Variants in SHANK2 observed in about 807,000 individuals in gnomAD.
The protein encoded by SHANK2 is SH3 and multiple ankyrin repeat domains 2.
SHANK2 carries 43 observed loss-of-function variants against 133.7 expected under a neutral mutation model. That is an observed-to-expected ratio of 0.32 (90% CI 0.25 to 0.41). SHANK2 has a LOEUF of 0.41. SHANK2 is among the 10% of genes least tolerant of loss of function. The probability of loss-of-function intolerance (pLI) is 1.00; values close to 1 mark genes in which losing one functional copy is unlikely to be tolerated. For missense variants in SHANK2, 1,994 were observed against 2,235.8 expected (o/e 0.89, Z 2.18); for synonymous variants, 1,017 against 952.8 (o/e 1.07, Z -1.24).
At chr11:71,220,295 T>A (rs1555120839) in intron 2 of SHANK2, among the ~76,000 whole-genome samples, 1 of 152,100 alleles carries the variant, frequency 6.6e-6, no homozygotes, top group East Asian at 1.9e-4. Flanking sequence ...GGCAAGGATG[T>A]GGGAAATTGG....
At position 70,486,651 on chromosome 11, in the gene SHANK2, G is replaced by A. The variant is rs1555153760; in HGVS notation, c.3642C>T (p.Ser1214=). Residue 1214 remains serine, a synonymous_variant, in exon 25 of 26, where the codon TCC becomes TCT. Coordinates refer to ENST00000601538, the MANE Select transcript of SHANK2 (RefSeq NM_012309.5). This position sits in a 1 kb window ranked among gnomAD's most constrained non-coding sequence, Gnocchi z 8.0. ...PLTGRLLDPS[S]PLALALSARD... ...TTGCGGAGAGTGCCAGGGCCAGCGGGGAGCTGGGATCAAGCAGCCGCCCTG... is the reference window on the plus strand; with the variant it reads ...TTGCGGAGAGTGCCAGGGCCAGCGGAGAGCTGGGATCAAGCAGCCGCCCTG... 2 of 1,612,510 alleles carry A rather than the reference G, an allele frequency of 1.2e-6. No individual in the cohort carries two copies. The highest frequency in any genetic ancestry group is 1.1e-5 in the South Asian group (1 of 91,088).
At chr11:71,187,311 T>C (rs1193881955) in intron 2 of SHANK2, among the ~76,000 whole-genome samples, 1 of 152,186 alleles carries the variant, frequency 6.6e-6, no homozygotes, top group Non-Finnish European at 1.5e-5. Flanking sequence ...TCATGTTTTA[T>C]TCAGGGACAG....
chr11:71,057,017 C>T lies in SHANK2; in HGVS notation c.1030-459G>A, dbSNP rs1001324629. On this transcript the variant is annotated intron_variant, in intron 9 of 25. Coordinates refer to ENST00000601538, the MANE Select transcript of SHANK2 (RefSeq NM_012309.5). Reference sequence around the variant, plus strand: ...CTGAGAAAAACATATCCAGGAACTTCTAAATAAAAAAGGCAAGTCCCAAAA... The same window carrying T: ...CTGAGAAAAACATATCCAGGAACTTTTAAATAAAAAAGGCAAGTCCCAAAA... Among the ~76,000 whole-genome samples, 15 of 152,100 alleles carry T rather than the reference C, an allele frequency of 9.9e-5. No homozygotes were observed. In the South Asian group the frequency reaches 3.1e-3, roughly 32 times the overall value.
At chr11:71,110,836 G>A (rs544046609) in intron 5 of SHANK2, among the ~76,000 whole-genome samples, 7 of 152,322 alleles carry the variant, frequency 4.6e-5, no homozygotes, top group South Asian at 4.1e-4. Flanking sequence ...GTGTGTCCCC[G>A]CAAAATTCAT....
At chr11:70,482,962 T>C (rs1368094762) in intron 25 of SHANK2, among the ~76,000 whole-genome samples, 7 of 152,268 alleles carry the variant, frequency 4.6e-5, no homozygotes, top group African/African-American at 1.7e-4. Flanking sequence ...GGATGAGCTG[T>C]CCAGCTGCCA....
At chr11:71,210,733 G>A (rs975209247) in intron 2 of SHANK2, among the ~76,000 whole-genome samples, 7 of 152,052 alleles carry the variant, frequency 4.6e-5, no homozygotes, top group South Asian at 2.1e-4. Context: ...AGACCCAGGC[G>A]TCTGCTGAAG....
At chr11:71,127,192 C>G (rs1952208478) in intron 3 of SHANK2, among the ~76,000 whole-genome samples, 1 of 152,136 alleles carries the variant, frequency 6.6e-6, no homozygotes, top group South Asian at 2.1e-4. Flanking sequence ...TTGCTGCAAT[C>G]TCATGATAAA....
chr11:70,612,196 A>G (rs1475835571), intron 17 of SHANK2, among the ~76,000 whole-genome samples: 2 of 152,002 alleles, frequency 1.3e-5, no homozygotes, highest in Non-Finnish European at 2.9e-5. Flanking sequence ...AGAGGACTTT[A>G]ATAAGGGTTT....
intron 15 of SHANK2, among the ~76,000 whole-genome samples, chr11:70,691,584 C>T (rs1945290486): frequency 6.6e-6 from 1 of 152,162 alleles, no homozygotes; most frequent in South Asian, 2.1e-4. Flanking sequence ...GAACTATATA[C>T]TTGCAAAAAT....
intron 17 of SHANK2, among the ~76,000 whole-genome samples, chr11:70,645,354 G>T (rs57596457): frequency 6.6e-5 from 10 of 152,244 alleles, no homozygotes; most frequent in African/African-American, 2.4e-4. Context: ...GCTATAGGCT[G>T]GGGATAGGGC....
chr11:71,099,406 G>A (rs984638155), intron 6 of SHANK2, among the ~76,000 whole-genome samples: 2 of 152,318 alleles, frequency 1.3e-5, no homozygotes, highest in Non-Finnish European at 1.5e-5. Flanking sequence ...GGGAAGCTGG[G>A]TATAGGATAT....
chr11:70,694,380 GACATA>G (rs1945349794), intron 15 of SHANK2, among the ~76,000 whole-genome samples: 1 of 152,220 alleles, frequency 6.6e-6, no homozygotes, highest in Non-Finnish European at 1.5e-5. Context: ...AGCAGTTTTT[GACATA>G]AGAGGAGGTT....
intron 11 of SHANK2, among the ~76,000 whole-genome samples, chr11:70,841,403 C>T (rs1590746751): frequency 1.3e-5 from 2 of 152,246 alleles, no homozygotes; most frequent in South Asian, 4.1e-4. Context: ...CAGGGCACAG[C>T]CATTTTCCCC....
At chr11:71,071,837 G>A (rs1951147233) in intron 9 of SHANK2, among the ~76,000 whole-genome samples, 3 of 152,138 alleles carry the variant, frequency 2.0e-5, no homozygotes, top group Middle Eastern at 3.2e-3. Flanking sequence ...AACAGGATGG[G>A]AGCACTGCTT....
chr11:70,921,982 G>C (rs1555080758), intron 10 of SHANK2, among the ~76,000 whole-genome samples: 1 of 152,202 alleles, frequency 6.6e-6, no homozygotes, highest in African/African-American at 2.4e-5. Context: ...CCAGATATTG[G>C]AGTGAGCAGC....
chr11:70,747,149 G>A (rs373796438), intron 14 of SHANK2, among the ~76,000 whole-genome samples: 9 of 151,926 alleles, frequency 5.9e-5, no homozygotes, highest in East Asian at 1.9e-4. Flanking sequence ...GTAAGACTCC[G>A]CTTGGGTTCA....
chr11:70,855,014 A>T (rs1262941406), intron 11 of SHANK2, among the ~76,000 whole-genome samples: 2 of 152,228 alleles, frequency 1.3e-5, no homozygotes, highest in African/African-American at 4.8e-5. Context: ...TCAATCTAGG[A>T]GGTCTGGGCC....
At position 70,502,554 on chromosome 11, in the gene SHANK2, G is replaced by A. The variant is rs541091335; in HGVS notation, c.2197+242C>T. 3.3e-5 allele frequency among the ~76,000 whole-genome samples: 5 copies of A among 152,322 alleles called. No individual in the cohort carries two copies. The South Asian group carries it at 1.0e-3, about 32-fold the overall frequency. Reference sequence around the variant, plus strand: ...CACTGAGTGGGAAGCCTGCGGAAGGGACGCCTGCTAGTGACTAAAAGGGCA... The same window carrying A: ...CACTGAGTGGGAAGCCTGCGGAAGGAACGCCTGCTAGTGACTAAAAGGGCA... On this transcript the variant is annotated intron_variant, in intron 18 of 25. Transcript: ENST00000601538.
intron 5 of SHANK2, among the ~76,000 whole-genome samples, chr11:71,111,006 A>C (rs1555099104): frequency 6.6e-6 from 1 of 152,238 alleles, no homozygotes; most frequent in Non-Finnish European, 1.5e-5. Context: ...ACAGCAAGAC[A>C]ATGGCCATCC....
Sources: gnomAD v4.1 joint callset for allele counts (sites outside exome capture counted in the v4.1 genomes callset) on GRCh38, gnomAD v4.1.1 for gene constraint, Gnocchi (gnomAD v3.1) non-coding constraint, MANE v1.5 for transcripts, NCBI Gene and HGNC (gene_info 2026-07-23, HGNC 2026-07-21) for gene names.